The following ZNF385D variants were observed in gnomAD, a reference collection of about 807,000 sequenced individuals.
ZNF385D encodes zinc finger protein 659.
Under a neutral mutation model 35.8 loss-of-function variants are expected in ZNF385D, and 15 were observed. The observed-to-expected ratio is 0.42, with a 90% CI of 0.28 to 0.64. The LOEUF (loss-of-function observed/expected upper bound fraction) is 0.64. Among genes scored for constraint, ZNF385D ranks in the 30% least tolerant of loss-of-function variants. The pLI, the probability that ZNF385D is intolerant of heterozygous loss-of-function variation, is 0.23. For missense variants in ZNF385D, 474 were observed against 494.6 expected (o/e 0.96, Z 0.39); for synonymous variants, 212 against 186.8 (o/e 1.13, Z -1.10).
chr3:21,426,797 C>T (rs567955236), intron 5 of ZNF385D, among the ~76,000 whole-genome samples: 1 of 152,216 alleles, frequency 6.6e-6, no homozygotes, highest in African/African-American at 2.4e-5. Flanking sequence ...GAGGTCACTG[C>T]AGATCACATT....
intron 3 of ZNF385D, among the ~76,000 whole-genome samples, chr3:21,972,913 C>T (rs1329774271): frequency 2.0e-5 from 3 of 151,814 alleles, no homozygotes; most frequent in African/African-American, 2.4e-5. Flanking sequence ...GTAATGTGAT[C>T]GAAGCCATAA....
At chr3:22,152,862 TCCCTGTACTATACTCTAAA>T (rs1437977102) in intron 3 of ZNF385D, among the ~76,000 whole-genome samples, 1 of 152,046 alleles carries the variant, frequency 6.6e-6, no homozygotes, top group East Asian at 1.9e-4. Context: ...CTTATAAGGG[TCCCTGTACTATACTCTAAA>T]CCCATTGGCC....
chr3:21,674,561 C>A (rs188923881), intron 1 of ZNF385D, among the ~76,000 whole-genome samples: 4 of 152,218 alleles, frequency 2.6e-5, no homozygotes, highest in Admixed American at 2.6e-4. Context: ...TTTGTGTTAT[C>A]TAAGTTACAT....
chr3:21,745,796 A>G (rs2069740439), intron 1 of ZNF385D, among the ~76,000 whole-genome samples: 1 of 152,206 alleles, frequency 6.6e-6, no homozygotes, highest in Admixed American at 6.5e-5. Flanking sequence ...TTCTGCTTAT[A>G]CAAGCATCAT....
At chr3:22,081,093 A>T (rs1178053720) in intron 3 of ZNF385D, among the ~76,000 whole-genome samples, 1 of 152,230 alleles carries the variant, frequency 6.6e-6, no homozygotes, top group Admixed American at 6.5e-5. Context: ...TTAAAGGTCA[A>T]CAACCATATC....
rs1453721562 is a variant in ZNF385D at position 21,769,553 on chromosome 3, A to G, written c.326-104525T>C. Among the ~76,000 whole-genome samples, 2 of 101,442 alleles carry G rather than the reference A, an allele frequency of 2.0e-5. 1 individual carries two copies. Among genetic ancestry groups the G allele is most frequent in the Non-Finnish European group, 3.9e-5 (2 of 51,934 alleles). 66.5% of individuals were successfully genotyped at this position (101,442 alleles called of 152,430 possible). A position where few individuals can be genotyped will look rare whatever the true frequency, so the allele number is the denominator to read the frequency against. On this transcript the variant is annotated intron_variant, in intron 3 of 5. Transcript: ENST00000494108. The stretch of plus-strand genomic sequence containing the variant: ...AGGGATGTGAAGGACCTCTTCAAGG[A>G]GAACTATAAACCACTGCTCAAGGAA...
intron 3 of ZNF385D, among the ~76,000 whole-genome samples, chr3:21,996,351 C>G (rs1023869943): frequency 6.6e-6 from 1 of 152,110 alleles, no homozygotes; most frequent in East Asian, 1.9e-4. Flanking sequence ...TCCAAGTGAC[C>G]GTGACCAGGA....
intron 3 of ZNF385D, among the ~76,000 whole-genome samples, chr3:21,562,392 C>G (rs528898185): frequency 3.2e-4 from 49 of 151,966 alleles, no homozygotes; most frequent in African/African-American, 1.2e-3. Flanking sequence ...AGAAACACTC[C>G]AAAAATAGAA....
In ZNF385D at chr3:21,502,393, A is replaced by G. The variant is rs146721857; in HGVS notation, c.439+8468T>C. ...AAGGATCTGTAAGTTTCTAGATTCC[A>G]CTGAAAGTTTTCCCTCCCTGCAGGA... On this transcript the variant is annotated intron_variant, in intron 4 of 7. Transcript: ENST00000281523. Among the ~76,000 whole-genome samples the G allele has an allele frequency of 3.2e-3, 487 of 152,248 alleles. 1 individual carries two copies. The highest frequency in any genetic ancestry group is 5.4e-3 in the Non-Finnish European group (368 of 68,016).
chr3:22,112,525 T>A (rs1702587610), intron 3 of ZNF385D, among the ~76,000 whole-genome samples: 2 of 152,164 alleles, frequency 1.3e-5, no homozygotes, highest in Non-Finnish European at 1.5e-5. Flanking sequence ...AATTTATCAA[T>A]GTATGTAAAT....
intron 3 of ZNF385D, among the ~76,000 whole-genome samples, chr3:22,087,586 C>T (rs974288751): frequency 5.3e-5 from 8 of 152,076 alleles, no homozygotes; most frequent in Non-Finnish European, 8.8e-5. Flanking sequence ...TTATTAGTAA[C>T]GATTCTTCAA....
chr3:22,312,423 G>C (rs909802942), intron 2 of ZNF385D, among the ~76,000 whole-genome samples: 3 of 152,072 alleles, frequency 2.0e-5, no homozygotes, highest in South Asian at 2.1e-4. Context: ...GTACTAAAGA[G>C]CTTCTGCACA....
chr3:21,426,790 G>T (rs1335522452), intron 5 of ZNF385D, among the ~76,000 whole-genome samples: 1 of 152,032 alleles, frequency 6.6e-6, no homozygotes, highest in African/African-American at 2.4e-5. Context: ...GGCACTCGAG[G>T]TCACTGCAGA....
chr3:21,831,860 G>A (rs1695011437), intron 3 of ZNF385D, among the ~76,000 whole-genome samples: 1 of 152,122 alleles, frequency 6.6e-6, no homozygotes, highest in Non-Finnish European at 1.5e-5. Flanking sequence ...ACTTTGTACT[G>A]ATATCAAAAT....
chr3:22,109,396 T>G (rs894623862), intron 3 of ZNF385D, among the ~76,000 whole-genome samples: 1 of 152,192 alleles, frequency 6.6e-6, no homozygotes, highest in Admixed American at 6.6e-5. Flanking sequence ...TCACAGCTTA[T>G]AGCTACCACT....
chr3:21,640,189 C>G (rs755145714), intron 2 of ZNF385D, among the ~76,000 whole-genome samples: 2 of 152,036 alleles, frequency 1.3e-5, no homozygotes, highest in African/African-American at 2.4e-5. Context: ...CTGGTCCTCT[C>G]AAGCTTTCTA....
At chr3:21,511,921 G>A (rs1233476909) in intron 3 of ZNF385D, among the ~76,000 whole-genome samples, 2 of 151,538 alleles carry the variant, frequency 1.3e-5, no homozygotes, top group East Asian at 1.9e-4. Flanking sequence ...GGCTGAGGTG[G>A]GTGGATCACG....
Position 21,421,301 on chromosome 3 carries a change from C to T in ZNF385D, c.1101G>A (p.Gln367=). ...LRTAPAATLF[Q]TSALPPALLR... ...GGAGTGCCGGAGGAAGCGCGGAAGT[C>T]TGGAACAGTGTTGCTGCTGGAGCAG... The change falls in exon 8 of 8, where the codon CAG becomes CAA. Residue 367 remains glutamine, a synonymous_variant. Transcript: ENST00000281523. 1 of 1,614,096 alleles carries T rather than the reference C, an allele frequency of 6.2e-7. No homozygotes were observed. Among genetic ancestry groups the T allele is most frequent in the Non-Finnish European group, 8.5e-7 (1 of 1,180,014 alleles).
intron 2 of ZNF385D, among the ~76,000 whole-genome samples, chr3:22,264,854 A>G (rs1397682078): frequency 7.5e-6 from 1 of 133,852 alleles, no homozygotes; most frequent in East Asian, 2.1e-4. Context: ...CTAAAATTCC[A>G]TTCTCCCTCT....
Sources: allele counts gnomAD v4.1 joint callset (sites outside exome capture counted in the v4.1 genomes callset), GRCh38; gene constraint gnomAD v4.1.1; transcripts MANE v1.5; gene names NCBI Gene and HGNC (gene_info 2026-07-23, HGNC 2026-07-21).